The following MAD1L1 variants were observed in gnomAD, a reference collection of about 807,000 sequenced individuals.
MAD1L1 encodes the protein mitotic spindle assembly checkpoint protein MAD1.
In MAD1L1, 95 loss-of-function variants were observed where a neutral mutation model predicts 96.9. The observed-to-expected ratio is 0.98, with a 90% CI of 0.83 to 1.16. MAD1L1 has a LOEUF of 1.16. Ranked by LOEUF, MAD1L1 falls within the 50% of genes most tolerant of loss-of-function variation. The pLI is 0.00. For synonymous variants in MAD1L1, 473 were observed against 396.6 expected, an observed-to-expected ratio of 1.19 and a Z score of -2.29; for missense variants, 1,007 against 954.4, an observed-to-expected ratio of 1.06 and a Z score of -0.73.
chr7:2,200,469 A>T (rs1364660984), intron 10 of MAD1L1: 1 of 152,300 alleles, frequency 6.6e-6, no homozygotes, highest in Non-Finnish European at 1.5e-5. Flanking sequence ...CAGGGTCCAC[A>T]CACAGCTGCC....
intron 17 of MAD1L1, among the ~76,000 whole-genome samples, chr7:1,906,343 CTT>C (rs1787630655): frequency 1.3e-5 from 2 of 152,322 alleles, no homozygotes; most frequent in African/African-American, 4.8e-5. Context: ...CACAGCAAGA[CTT>C]GAGCTGAGGC....
At chr7:1,934,614 G>A (rs1370625025) in intron 17 of MAD1L1, among the ~76,000 whole-genome samples, 1 of 141,758 alleles carries the variant, frequency 7.1e-6, no homozygotes, top group African/African-American at 2.7e-5. Context: ...AGACAACAGG[G>A]GAACGAACAG....
chr7:2,105,038 T>A (rs943724474), intron 11 of MAD1L1, among the ~76,000 whole-genome samples: 49 of 152,054 alleles, frequency 3.2e-4, no homozygotes, highest in African/African-American at 1.2e-3. Flanking sequence ...ACCCACCCAG[T>A]CAGAGCCCGG....
Position 2,044,949 on chromosome 7 carries a change from C to A in MAD1L1, c.1218+24245G>T, listed in dbSNP as rs564083458. On this transcript the variant is annotated intron_variant, in intron 12 of 18. Coordinates refer to ENST00000265854, the MANE Select transcript of MAD1L1 (RefSeq NM_001013836.2). ...GTCACCTCCCCACTCTGATGAGCAG[C>A]AGCAACCATTCTCCGCACTTCACAG... Among the ~76,000 whole-genome samples, 70 of 152,310 alleles carry A rather than the reference C, an allele frequency of 4.6e-4. 2 individuals are homozygous for A. The South Asian group carries it at 0.014, about 31-fold the overall frequency.
chr7:2,079,496 G>T (rs749373353), intron 11 of MAD1L1, among the ~76,000 whole-genome samples: 1 of 152,182 alleles, frequency 6.6e-6, no homozygotes, highest in Non-Finnish European at 1.5e-5. Flanking sequence ...ACTTCTCCCC[G>T]ACTCTGCCTC....
intron 18 of MAD1L1, among the ~76,000 whole-genome samples, chr7:1,868,240 A>C (rs1583600327): frequency 6.6e-6 from 1 of 152,204 alleles, no homozygotes; most frequent in Admixed American, 6.5e-5. Context: ...GCCAAGCCCC[A>C]CCTGCTGATA....
At chr7:1,867,202 G>C (rs953017065) in intron 18 of MAD1L1, among the ~76,000 whole-genome samples, 1 of 152,186 alleles carries the variant, frequency 6.6e-6, no homozygotes, top group Admixed American at 6.5e-5. Context: ...GGCCTCCCCT[G>C]GCATCACTGA....
chr7:1,940,081 T>C (rs578113820), intron 16 of MAD1L1: 1 of 152,308 alleles, frequency 6.6e-6, no homozygotes, highest in Non-Finnish European at 1.5e-5. Flanking sequence ...GAGATGGACA[T>C]GCTGACCTGG....
intron 12 of MAD1L1, among the ~76,000 whole-genome samples, chr7:2,031,347 G>T (rs1332287504): frequency 2.0e-5 from 3 of 152,184 alleles, no homozygotes; most frequent in Non-Finnish European, 4.4e-5. Flanking sequence ...GTGTAGCTGT[G>T]GGGGAGGGGG....
At chr7:1,863,214 G>A (rs147357633) in intron 18 of MAD1L1, among the ~76,000 whole-genome samples, 42 of 152,412 alleles carry the variant, frequency 2.8e-4, no homozygotes, top group African/African-American at 9.1e-4. Context: ...CTCCGAAGAC[G>A]GGGTTAGCGG....
At chr7:1,826,038 C>T (rs995763052) in intron 18 of MAD1L1, among the ~76,000 whole-genome samples, 4 of 152,124 alleles carry the variant, frequency 2.6e-5, no homozygotes, top group Non-Finnish European at 4.4e-5. Flanking sequence ...AAAGTTCAGG[C>T]GTGATAACGT....
At chr7:2,159,465 C>A (rs1013573390) in intron 10 of MAD1L1, among the ~76,000 whole-genome samples, 1 of 152,206 alleles carries the variant, frequency 6.6e-6, no homozygotes, top group African/African-American at 2.4e-5. Context: ...CTGGTGCTCT[C>A]CTCCTTCACA....
chr7:1,936,664 G>A (rs564006688), intron 17 of MAD1L1, 23 bp downstream of exon 17: 2 of 1,543,000 alleles, frequency 1.3e-6, no homozygotes, highest in East Asian at 2.4e-5. Context: ...GGATGGCAGG[G>A]ACCGGGGGTG....
chr7:1,889,073 T>TA (rs1786374106), intron 18 of MAD1L1, among the ~76,000 whole-genome samples: 2 of 152,324 alleles, frequency 1.3e-5, no homozygotes, highest in South Asian at 2.1e-4. Context: ...GGCACTTGCA[T>TA]ACATACTGGC....
At chr7:2,217,460 G>A (rs1351523548) in intron 7 of MAD1L1, among the ~76,000 whole-genome samples, 1 of 152,176 alleles carries the variant, frequency 6.6e-6, no homozygotes, top group Admixed American at 6.5e-5. Flanking sequence ...TGGAGGTGAG[G>A]GTGCATAAGG....
At chr7:1,933,190 G>A (rs1051647428) in intron 17 of MAD1L1, among the ~76,000 whole-genome samples, 2 of 152,164 alleles carry the variant, frequency 1.3e-5, no homozygotes, top group African/African-American at 4.8e-5. Flanking sequence ...ACAATCCCTG[G>A]GTATCAGCTC....
At chr7:1,897,647 G>A (rs982241630) in intron 18 of MAD1L1, among the ~76,000 whole-genome samples, 3 of 152,228 alleles carry the variant, frequency 2.0e-5, no homozygotes, top group South Asian at 2.1e-4. Context: ...TGTCCACAAC[G>A]GTGGACCCAG....
chr7:1,913,871 C>T (rs1583764010), intron 17 of MAD1L1, among the ~76,000 whole-genome samples: 1 of 152,266 alleles, frequency 6.6e-6, no homozygotes, highest in East Asian at 1.9e-4. Flanking sequence ...CAGGAAACGC[C>T]ACAGACTCAG....
chr7:1,945,887 T>C (rs892233121), intron 16 of MAD1L1, among the ~76,000 whole-genome samples: 2 of 151,962 alleles, frequency 1.3e-5, no homozygotes, highest in Non-Finnish European at 2.9e-5. Flanking sequence ...TCCAGGGGCA[T>C]CCCAGATGAG....
Sources: allele counts gnomAD v4.1 joint callset (sites outside exome capture counted in the v4.1 genomes callset), GRCh38; gene constraint gnomAD v4.1.1; transcripts MANE v1.5; gene names NCBI Gene and HGNC (gene_info 2026-07-23, HGNC 2026-07-21).